BMP5: variants seen among roughly 807,000 people sequenced by gnomAD.
BMP5 encodes the protein bone morphogenetic protein 5.
In BMP5, 23 loss-of-function variants were observed where a neutral mutation model predicts 46.6. The ratio of observed to expected loss-of-function variants is 0.49; its 90% CI spans 0.35 to 0.70. The LOEUF is 0.70. Among genes scored for constraint, BMP5 ranks in the 30% least tolerant of loss-of-function variants. The pLI is 0.00. For synonymous variants in BMP5, 204 were observed against 191.9 expected, an observed-to-expected ratio of 1.06 and a Z score of -0.52; for missense variants, 545 against 565.6, an observed-to-expected ratio of 0.96 and a Z score of 0.37.
At chr6:55,816,281 A>T (rs911879022) in intron 2 of BMP5, among the ~76,000 whole-genome samples, 16 of 152,084 alleles carry the variant, frequency 1.1e-4, no homozygotes, top group Admixed American at 2.6e-4. Context: ...TGAGGATAAA[A>T]ATAAATAACT....
chr6:55,813,198 T>C (rs1047583294), intron 2 of BMP5, among the ~76,000 whole-genome samples: 3 of 152,154 alleles, frequency 2.0e-5, no homozygotes, highest in Non-Finnish European at 2.9e-5. Flanking sequence ...AATGCTATTT[T>C]GTAAAGATGT....
chr6:55,769,384 C>CT (rs932145252), intron 4 of BMP5, among the ~76,000 whole-genome samples: 1 of 151,874 alleles, frequency 6.6e-6, no homozygotes, highest in Admixed American at 6.6e-5. Context: ...CCAGAAACCA[C>CT]TTTTTTTGCT....
chr6:55,800,543 G>A (rs1256200342), intron 2 of BMP5, among the ~76,000 whole-genome samples: 3 of 152,106 alleles, frequency 2.0e-5, no homozygotes, highest in Non-Finnish European at 4.4e-5. Flanking sequence ...ATATATAAGG[G>A]ATGTGAACAG....
intron 1 of BMP5, among the ~76,000 whole-genome samples, chr6:55,852,041 T>C (rs988139705): frequency 1.5e-4 from 23 of 152,318 alleles, no homozygotes; most frequent in African/African-American, 5.5e-4. Context: ...ATTGTTTTTA[T>C]ATGCCAAGCA....
chr6:55,814,890 G>C (rs900791886), intron 2 of BMP5, among the ~76,000 whole-genome samples: 7 of 152,204 alleles, frequency 4.6e-5, no homozygotes, highest in African/African-American at 1.7e-4. Context: ...AACACTTTGG[G>C]AGGCTGAGGC....
At position 55,755,345 on chromosome 6, in the gene BMP5, C is replaced by A; in HGVS notation, c.*188G>T. 1.8e-6 allele frequency: 1 copy of A among 551,942 alleles called. No homozygotes were observed. The highest frequency in any genetic ancestry group is 3.1e-5 in the East Asian group (1 of 32,210). The allele number at this position is 551,942 out of a possible 1,614,324, so 34.2% of individuals were successfully genotyped here. ...ATGAAATAGATTTTATTGATAAAGC[C>A]TCCACAGAAGAGAATATATACGTTT... On this transcript the variant is annotated 3_prime_UTR_variant, in exon 7 of 7. Coordinates refer to ENST00000370830, the MANE Select transcript of BMP5 (RefSeq NM_021073.4).
chr6:55,812,207 T>C (rs1776152751), intron 2 of BMP5, among the ~76,000 whole-genome samples: 1 of 152,200 alleles, frequency 6.6e-6, no homozygotes, highest in South Asian at 2.1e-4. Flanking sequence ...ATGCAAAGTG[T>C]GTTAACTTTT....
At chr6:55,845,779 C>T (rs1334123321) in intron 1 of BMP5, among the ~76,000 whole-genome samples, 2 of 151,888 alleles carry the variant, frequency 1.3e-5, no homozygotes, top group Non-Finnish European at 2.9e-5. Flanking sequence ...TATCAAATTC[C>T]TTCATGTCAG....
At chr6:55,839,215 A>G (rs187165161) in intron 1 of BMP5, among the ~76,000 whole-genome samples, 1 of 152,194 alleles carries the variant, frequency 6.6e-6, no homozygotes, top group African/African-American at 2.4e-5. Flanking sequence ...TCCAATAAAT[A>G]TTCTACTTAT....
At chr6:55,819,286 T>C (rs902963955) in intron 2 of BMP5, among the ~76,000 whole-genome samples, 1 of 152,190 alleles carries the variant, frequency 6.6e-6, no homozygotes, top group Non-Finnish European at 1.5e-5. Flanking sequence ...AGTGCTTCTC[T>C]AACTTCCAGA....
intron 4 of BMP5, among the ~76,000 whole-genome samples, chr6:55,762,647 T>C (rs946361284): frequency 1.3e-5 from 2 of 152,080 alleles, no homozygotes; most frequent in Admixed American, 1.3e-4. Flanking sequence ...AAACATGAAA[T>C]GGTTAAATTT....
intron 2 of BMP5, among the ~76,000 whole-genome samples, chr6:55,812,601 A>G (rs1776161395): frequency 6.6e-6 from 1 of 152,230 alleles, no homozygotes; most frequent in African/African-American, 2.4e-5. Flanking sequence ...TGCATTGTCA[A>G]ATAAATTACA....
At chr6:55,852,299 C>A (rs1385761244) in intron 1 of BMP5, among the ~76,000 whole-genome samples, 1 of 151,696 alleles carries the variant, frequency 6.6e-6, no homozygotes, top group South Asian at 2.1e-4. Flanking sequence ...ATTTTTGTGA[C>A]GATCCAAGAA....
chr6:55,755,665 A>G lies in BMP5; in HGVS notation c.1233T>C (p.Pro411=). The stretch of plus-strand genomic sequence containing the variant: ...CACAACAAGGCTTTGGTACGTGGTC[A>G]GGAAACATCAGATGAACCTGGGAAA... The part of the protein sequence containing the change: ...IVQTLVHLMF[P]DHVPKPCCAP... Residue 411 remains proline, a synonymous_variant, in exon 7 of 7, where the codon CCT becomes CCC. Transcript: ENST00000370830. 6.2e-7 allele frequency: 1 copy of G among 1,612,298 alleles called. No homozygotes were observed. Among genetic ancestry groups the G allele is most frequent in the Non-Finnish European group, 8.5e-7 (1 of 1,178,770 alleles).
chr6:55,851,445 G>A (rs891946009), intron 1 of BMP5, among the ~76,000 whole-genome samples: 1 of 152,144 alleles, frequency 6.6e-6, no homozygotes, highest in African/African-American at 2.4e-5. Context: ...CAAGACTAGA[G>A]CGGTTGTCCA....
chr6:55,866,797 C>G (rs951561001), intron 1 of BMP5, among the ~76,000 whole-genome samples: 1 of 152,062 alleles, frequency 6.6e-6, no homozygotes, highest in Non-Finnish European at 1.5e-5. Flanking sequence ...GACCCATGTA[C>G]AATTTAAGGA....
chr6:55,829,988 T>C (rs1455754372), intron 1 of BMP5, among the ~76,000 whole-genome samples: 1 of 152,046 alleles, frequency 6.6e-6, no homozygotes, highest in African/African-American at 2.4e-5. Context: ...TTGTTTTGTG[T>C]GTTTCTTTTA....
intron 1 of BMP5, among the ~76,000 whole-genome samples, chr6:55,836,460 G>A (rs1367143244): frequency 6.6e-6 from 1 of 152,078 alleles, no homozygotes; most frequent in African/African-American, 2.4e-5. Flanking sequence ...AGTCCAGCAT[G>A]AGAAATCTAA....
At chr6:55,866,064 A>G (rs1273263319) in intron 1 of BMP5, among the ~76,000 whole-genome samples, 1 of 152,170 alleles carries the variant, frequency 6.6e-6, no homozygotes, top group Admixed American at 6.6e-5. Flanking sequence ...CACTAGATAA[A>G]TAAGTCTTTT....
Sources: allele counts gnomAD v4.1 joint callset (sites outside exome capture counted in the v4.1 genomes callset), GRCh38; gene constraint gnomAD v4.1.1; transcripts MANE v1.5; gene names NCBI Gene and HGNC (gene_info 2026-07-23, HGNC 2026-07-21).